Variants in EXOC4 observed in about 807,000 individuals in gnomAD.
EXOC4 encodes SEC8-like 1.
EXOC4 carries 71 observed loss-of-function variants against 107.2 expected under a neutral mutation model. The observed-to-expected ratio is 0.66, with a 90% confidence interval of 0.55 to 0.81. EXOC4 has a LOEUF of 0.81. Ranked by LOEUF, EXOC4 falls within the 30% of genes least tolerant of loss-of-function variation. EXOC4 has a pLI of 0.00. For missense variants in EXOC4, 1,108 were observed against 1,189.6 expected (o/e 0.93, Z 1.01); for synonymous variants, 456 against 441.2 (o/e 1.03, Z -0.42).
intron 9 of EXOC4, among the ~76,000 whole-genome samples, chr7:133,595,883 T>C (rs1202265457): frequency 6.6e-6 from 1 of 152,204 alleles, no homozygotes. Context: ...CGCCTGTATC[T>C]ACCCACCTTG....
intron 17 of EXOC4, among the ~76,000 whole-genome samples, chr7:134,028,867 C>T (rs933855321): frequency 6.6e-6 from 1 of 152,170 alleles, no homozygotes; most frequent in Non-Finnish European, 1.5e-5. Context: ...CTCACTTTTT[C>T]GCTGAGAGGA....
At chr7:133,788,128 G>C (rs190205050) in intron 10 of EXOC4, among the ~76,000 whole-genome samples, 1 of 149,058 alleles carries the variant, frequency 6.7e-6, no homozygotes, top group Non-Finnish European at 1.5e-5. Context: ...TCCTTTGCTG[G>C]CCCCTACTCA....
At chr7:134,020,731 A>G (rs533883265) in intron 17 of EXOC4, among the ~76,000 whole-genome samples, 4 of 152,174 alleles carry the variant, frequency 2.6e-5, no homozygotes, top group Non-Finnish European at 4.4e-5. Flanking sequence ...TGTGCCTGAA[A>G]TGGCAGCACT....
chr7:133,347,101 A>T (rs1287053914), intron 5 of EXOC4, among the ~76,000 whole-genome samples: 1 of 152,130 alleles, frequency 6.6e-6, no homozygotes, highest in East Asian at 1.9e-4. Context: ...ACACGAAGTA[A>T]TTTTTTAAAT....
intron 10 of EXOC4, among the ~76,000 whole-genome samples, chr7:133,712,264 A>G (rs1794908365): frequency 6.6e-6 from 1 of 151,850 alleles, no homozygotes. Context: ...ACATGGAGAA[A>G]CTCCATCTCT....
chr7:133,389,505 G>A (rs554711606), intron 7 of EXOC4, among the ~76,000 whole-genome samples: 7 of 150,308 alleles, frequency 4.7e-5, no homozygotes, highest in African/African-American at 9.8e-5. Context: ...CCCAGGAGGC[G>A]GAGCTTGCAG....
At chr7:134,070,774 A>G (rs974987595), downstream of EXOC4, among the ~76,000 whole-genome samples, 3 of 104,532 alleles carry the variant, frequency 2.9e-5, no homozygotes, top group African/African-American at 1.2e-4. Context: ...GTGTGTACAA[A>G]TAACTGGAAA....
intron 10 of EXOC4, among the ~76,000 whole-genome samples, chr7:133,696,779 A>C (rs555158654): frequency 1.2e-4 from 18 of 152,216 alleles, no homozygotes; most frequent in African/African-American, 4.3e-4. Context: ...AATTTTATTT[A>C]ATTTCTTTGT....
At chr7:133,563,614 GT>G (rs1800850958) in intron 9 of EXOC4, among the ~76,000 whole-genome samples, 1 of 152,174 alleles carries the variant, frequency 6.6e-6, no homozygotes, top group African/African-American at 2.4e-5. Flanking sequence ...CTGTAGCCTA[GT>G]TATGTGTAGC....
At chr7:134,094,890 T>C in the EXOC4 span, among the ~76,000 whole-genome samples, 1 of 152,118 alleles carries the variant, frequency 6.6e-6, no homozygotes, top group Admixed American at 6.6e-5. Context: ...ACCATTTCTC[T>C]TGAGAAGTGG....
At chr7:133,907,924 T>G (rs922300042) in intron 12 of EXOC4, among the ~76,000 whole-genome samples, 1 of 152,162 alleles carries the variant, frequency 6.6e-6, no homozygotes, top group African/African-American at 2.4e-5. Flanking sequence ...AGTTATTATG[T>G]CATTTTCCAC....
At chr7:133,418,657 T>G (rs893499776) in intron 7 of EXOC4, among the ~76,000 whole-genome samples, 2 of 152,194 alleles carry the variant, frequency 1.3e-5, no homozygotes, top group African/African-American at 2.4e-5. Flanking sequence ...GAGGTTCTGC[T>G]GTAGCTGTCA....
intron 10 of EXOC4, among the ~76,000 whole-genome samples, chr7:133,759,050 T>G (rs1224156732): frequency 6.6e-6 from 1 of 152,204 alleles, no homozygotes; most frequent in Non-Finnish European, 1.5e-5. Flanking sequence ...ATGAATTTTT[T>G]TGGATTTAGG....
chr7:133,497,433 T>G (rs1799498685), intron 9 of EXOC4, among the ~76,000 whole-genome samples: 1 of 151,790 alleles, frequency 6.6e-6, no homozygotes, highest in African/African-American at 2.4e-5. Flanking sequence ...TCAGTGTTTT[T>G]TTTTTTTTTT....
the EXOC4 span, among the ~76,000 whole-genome samples, chr7:134,093,819 A>G: frequency 4.6e-5 from 7 of 152,316 alleles, no homozygotes; most frequent in Admixed American, 1.3e-4. Context: ...TTGCTCCTGA[A>G]TGACTTTTGG....
chr7:133,705,394 G>T (rs966301738), intron 10 of EXOC4, among the ~76,000 whole-genome samples: 4 of 152,076 alleles, frequency 2.6e-5, no homozygotes, highest in Non-Finnish European at 4.4e-5. Flanking sequence ...ATAATTAAGA[G>T]AGATTATTTC....
At chr7:133,746,247 C>T (rs944194687) in intron 10 of EXOC4, among the ~76,000 whole-genome samples, 1 of 151,892 alleles carries the variant, frequency 6.6e-6, no homozygotes, top group Non-Finnish European at 1.5e-5. Context: ...TTAATTTTCC[C>T]CTATTCTGTT....
intron 17 of EXOC4, among the ~76,000 whole-genome samples, chr7:134,039,503 A>G (rs566281116): frequency 6.6e-6 from 1 of 152,356 alleles, no homozygotes; most frequent in South Asian, 2.1e-4. Flanking sequence ...ATTAGGGATC[A>G]GAACAGGCAA....
At chr7:133,677,226 C>T (rs964967103) in intron 10 of EXOC4, among the ~76,000 whole-genome samples, 1 of 151,946 alleles carries the variant, frequency 6.6e-6, no homozygotes, top group Non-Finnish European at 1.5e-5. Flanking sequence ...TCTTTGTTAC[C>T]GTTAAGATGT....
Sources: gnomAD v4.1 joint callset for allele counts (sites outside exome capture counted in the v4.1 genomes callset) on GRCh38, gnomAD v4.1.1 for gene constraint, MANE v1.5 for transcripts, NCBI Gene and HGNC (gene_info 2026-07-23, HGNC 2026-07-21) for gene names.